Variants in PCDH15 observed in about 807,000 individuals in gnomAD.
PCDH15 encodes the protein protocadherin related 15.
PCDH15 carries 129 observed loss-of-function variants against 178.5 expected under a neutral mutation model. The observed-to-expected ratio is 0.72, with a 90% confidence interval of 0.63 to 0.84. The LOEUF (loss-of-function observed/expected upper bound fraction) is 0.84. PCDH15 is among the 40% of genes least tolerant of loss of function. The probability of loss-of-function intolerance (pLI) is 0.00; values close to 1 mark genes in which losing one functional copy is unlikely to be tolerated. For synonymous variants in PCDH15, 800 were observed against 732.0 expected (o/e 1.09, Z -1.50); for missense variants, 2,230 against 2,099.9 (o/e 1.06, Z -1.21).
intron 3 of PCDH15, among the ~76,000 whole-genome samples, chr10:54,835,041 A>T (rs1335344086): frequency 6.6e-6 from 1 of 152,188 alleles, no homozygotes; most frequent in African/African-American, 2.4e-5. Context: ...GAAGAATGTG[A>T]AGATACAATT....
At chr10:54,493,352 C>G (rs1010037783) in intron 3 of PCDH15, among the ~76,000 whole-genome samples, 1 of 151,980 alleles carries the variant, frequency 6.6e-6, no homozygotes, top group Non-Finnish European at 1.5e-5. Flanking sequence ...GATTATGGTG[C>G]CTCCTACACC....
chr10:54,536,304 T>C (rs1353548298), intron 2 of PCDH15, among the ~76,000 whole-genome samples: 1 of 152,194 alleles, frequency 6.6e-6, no homozygotes, highest in Non-Finnish European at 1.5e-5. Context: ...TTCTATGTTA[T>C]TGTGAGGTAA....
intron 2 of PCDH15, among the ~76,000 whole-genome samples, chr10:55,535,070 A>C (rs1841541162): frequency 6.6e-6 from 1 of 151,980 alleles, no homozygotes; most frequent in African/African-American, 2.4e-5. Context: ...AGGAACGGAG[A>C]AAGCATGGGT....
intron 2 of PCDH15, among the ~76,000 whole-genome samples, chr10:55,508,315 A>C (rs552288915): frequency 5.6e-4 from 85 of 151,884 alleles, no homozygotes; most frequent in African/African-American, 2.0e-3. Context: ...ATTCTATTAG[A>C]AATCATTTTT....
intron 2 of PCDH15, among the ~76,000 whole-genome samples, chr10:54,957,803 G>A (rs562558096): frequency 7.9e-5 from 12 of 151,820 alleles, no homozygotes; most frequent in African/African-American, 2.6e-4. Context: ...ATCAGAATAT[G>A]ACATCCCAAA....
chr10:55,091,047 G>A (rs1364568497), intron 2 of PCDH15, among the ~76,000 whole-genome samples: 2 of 151,464 alleles, frequency 1.3e-5, no homozygotes, highest in African/African-American at 4.8e-5. Context: ...TTCTACTATT[G>A]TTTCATAATT....
rs200042638 is a variant in PCDH15, at chr10:54,461,012, AT to A, written c.157+66799del. Among the ~76,000 whole-genome samples, 1,324 of 152,158 alleles carry A rather than the reference AT, an allele frequency of 8.7e-3. 16 individuals carry two copies. Among genetic ancestry groups the A allele is most frequent in the African/African-American group, 0.029 (1,190 of 41,538 alleles). On this transcript the variant is annotated intron_variant, in intron 3 of 37. Coordinates refer to ENST00000644397, the MANE Select transcript of PCDH15 (RefSeq NM_001384140.1). ...GTGCCTAAAGGATTCTTTTTTATAA[AT>A]TATTGATCATTCATTTAAATGATAC...
intron 8 of PCDH15, among the ~76,000 whole-genome samples, chr10:54,268,834 A>C (rs2057866334): frequency 6.6e-6 from 1 of 151,946 alleles, no homozygotes; most frequent in African/African-American, 2.4e-5. Context: ...CATTGATTTA[A>C]GATATTTTTT....
At chr10:54,229,446 C>T (rs1178551726) in intron 9 of PCDH15, among the ~76,000 whole-genome samples, 1 of 152,084 alleles carries the variant, frequency 6.6e-6, no homozygotes, top group African/African-American at 2.4e-5. Context: ...TAAAATGTAG[C>T]TATCATTAAC....
chr10:55,557,594 C>A, intron 2 of PCDH15, among the ~76,000 whole-genome samples: 1 of 151,990 alleles, frequency 6.6e-6, no homozygotes, highest in East Asian at 1.9e-4. Flanking sequence ...TCATCTCAGG[C>A]TTTCATTCAT....
intron 2 of PCDH15, among the ~76,000 whole-genome samples, chr10:55,004,955 CACAAAGA>C: frequency 6.6e-6 from 1 of 152,160 alleles, no homozygotes; most frequent in Admixed American, 6.6e-5. Flanking sequence ...TATAGCCCCT[CACAAAGA>C]ACATACTGGT....
At chr10:54,439,481 T>C (rs576506957) in intron 3 of PCDH15, among the ~76,000 whole-genome samples, 15 of 152,168 alleles carry the variant, frequency 9.9e-5, no homozygotes, top group Middle Eastern at 3.4e-3. Flanking sequence ...CTGGTAGATT[T>C]TCATGTGGCC....
intron 3 of PCDH15, among the ~76,000 whole-genome samples, chr10:54,403,460 A>G (rs1952198312): frequency 6.6e-6 from 1 of 152,074 alleles, no homozygotes; most frequent in African/African-American, 2.4e-5. Context: ...AATAAGAGCC[A>G]TATATGAAAA....
chr10:54,919,218 T>C (rs184161937), intron 2 of PCDH15, among the ~76,000 whole-genome samples: 157 of 152,292 alleles, frequency 1.0e-3, no homozygotes, highest in African/African-American at 3.7e-3. Context: ...CTTCAATGTA[T>C]AAATCAGACA....
chr10:55,246,553 G>T (rs1841683667), intron 1 of PCDH15, among the ~76,000 whole-genome samples: 1 of 152,088 alleles, frequency 6.6e-6, no homozygotes, highest in Non-Finnish European at 1.5e-5. Context: ...ATGACCTAAT[G>T]GGTAATAAAT....
At chr10:55,238,715 T>G (rs947239909) in intron 1 of PCDH15, among the ~76,000 whole-genome samples, 2 of 151,992 alleles carry the variant, frequency 1.3e-5, no homozygotes, top group Admixed American at 6.5e-5. Context: ...TTCTCTTAAT[T>G]TATATATATT....
intron 14 of PCDH15, among the ~76,000 whole-genome samples, chr10:54,146,986 A>AACGTG (rs2044031045): frequency 2.0e-5 from 3 of 147,304 alleles, no homozygotes; most frequent in African/African-American, 7.4e-5. Context: ...GTGTATATAT[A>AACGTG]TATAATGTAT....
At chr10:54,671,212 A>C (rs2094662624) in intron 1 of PCDH15, among the ~76,000 whole-genome samples, 1 of 152,184 alleles carries the variant, frequency 6.6e-6, no homozygotes, top group African/African-American at 2.4e-5. Context: ...TTTAAAAAAG[A>C]AGCTTGAAAG....
chr10:54,176,126 C>A (rs1414851686), intron 13 of PCDH15, among the ~76,000 whole-genome samples: 1 of 152,052 alleles, frequency 6.6e-6, no homozygotes, highest in Non-Finnish European at 1.5e-5. Context: ...TAGGTGTTTT[C>A]TAAACTCATT....
Sources: allele counts gnomAD v4.1 joint callset (sites outside exome capture counted in the v4.1 genomes callset), GRCh38; gene constraint gnomAD v4.1.1; transcripts MANE v1.5; gene names NCBI Gene and HGNC (gene_info 2026-07-23, HGNC 2026-07-21).